GPR153: variants seen among roughly 807,000 people sequenced by gnomAD.
GPR153 encodes probable G protein-coupled receptor 153.
A neutral mutation model predicts 34.1 loss-of-function variants in GPR153; 27 were observed. That is an observed-to-expected ratio of 0.79 (90% CI 0.58 to 1.09). The LOEUF is 1.09. GPR153 is among the 50% of genes least tolerant of loss of function. The pLI, the probability that GPR153 is intolerant of heterozygous loss-of-function variation, is 0.00. For missense variants in GPR153, 848 were observed against 860.2 expected, an observed-to-expected ratio of 0.99 and a Z score of 0.18; for synonymous variants, 408 against 405.4, an observed-to-expected ratio of 1.01 and a Z score of -0.08.
rs543093185 is a variant in GPR153 at position 6,249,129 on chromosome 1, G to A, written c.*209C>T. ...CGACCTCACTCGGCCCGGGACATGCGGTGCCCAGCGCAGTCGTCCGGGGCA... is the reference window on the plus strand; with the variant it reads ...CGACCTCACTCGGCCCGGGACATGCAGTGCCCAGCGCAGTCGTCCGGGGCA... On this transcript the variant is annotated 3_prime_UTR_variant, in exon 6 of 6. Transcript: ENST00000377893. This position sits in a 1 kb window ranked among gnomAD's most constrained non-coding sequence, Gnocchi z 4.3. 77 of 390,596 alleles carry A rather than the reference G, an allele frequency of 2.0e-4. 4 individuals are homozygous for A. In the South Asian group the frequency reaches 1.0e-2, roughly 51 times the overall value. 24.2% of individuals were successfully genotyped at this position (390,596 alleles called of 1,614,324 possible).
intron 1 of GPR153, among the ~76,000 whole-genome samples, 177 bp downstream of exon 1, chr1:6,260,648 A>G (rs61760841): frequency 0.73 from 110,195 of 151,514 alleles, 40,320 homozygotes; most frequent in African/African-American, 0.79. Flanking sequence ...GGCTGGCCCC[A>G]GGGAAGTTAC....
chr1:6,252,035 C>A (rs891149260), intron 3 of GPR153, among the ~76,000 whole-genome samples: 1 of 152,190 alleles, frequency 6.6e-6, no homozygotes, highest in Non-Finnish European at 1.5e-5. Flanking sequence ...TTCTACCACC[C>A]CCTTCCCGGC....
chr1:6,249,644 G>C lies in GPR153; in HGVS notation c.1524C>G (p.Phe508Leu). The change falls in exon 6 of 6, where the codon TTC becomes TTG. Residue 508 changes from phenylalanine to leucine, a missense_variant. Physicochemically the swap from Phe to Leu is conservative, Grantham distance 22. Coordinates refer to ENST00000377893, the MANE Select transcript of GPR153 (RefSeq NM_207370.4). The surrounding 1 kb of genome is among the most constrained non-coding windows in gnomAD (Gnocchi z 4.3). ...GGCGCAGGGCCTGTGGCTCGCACTC[G>C]AAGGCGGTCAGGGCGAAGGCGTCGG... Reference protein sequence around the residue: ...LLPDAFALTAFECEPQALRRP... With the variant: ...LLPDAFALTALECEPQALRRP... The C allele has an allele frequency of 1.8e-6, 2 of 1,094,802 alleles. No individual in the cohort carries two copies. The highest frequency in any genetic ancestry group is 2.2e-6 in the Non-Finnish European group (2 of 901,672). The allele number at this position is 1,094,802 out of a possible 1,614,324, so 67.8% of individuals were successfully genotyped here.
chr1:6,253,120 A>C (rs975482404), intron 3 of GPR153, among the ~76,000 whole-genome samples: 5 of 152,214 alleles, frequency 3.3e-5, no homozygotes, highest in African/African-American at 9.6e-5. Flanking sequence ...GGCCAGATGC[A>C]GTGGTTCACG....
intron 1 of GPR153, among the ~76,000 whole-genome samples, chr1:6,257,715 G>C (rs1359308471): frequency 6.6e-6 from 1 of 152,254 alleles, no homozygotes; most frequent in African/African-American, 2.4e-5. Flanking sequence ...GCCTTTCCAT[G>C]TGAGTCAGGG....
In GPR153 at chr1:6,249,553, T is replaced by A. The variant is rs1256784873; in HGVS notation, c.1615A>T (p.Thr539Ser). ...CTCCGCTGGGCGCTGCTTGGGGGCG[T>A]CGGGGCCTCTCCGGGATCTGCGCCG... ...PDGADPGEAP[T>S]PPSSAQRSPG... The change falls in exon 6 of 6, where the codon ACG becomes TCG. Residue 539 changes from threonine (T) to serine (S), a missense_variant. Thr to Ser is a moderately conservative substitution (Grantham distance 58). Coordinates refer to ENST00000377893, the MANE Select transcript of GPR153 (RefSeq NM_207370.4). This position sits in a 1 kb window ranked among gnomAD's most constrained non-coding sequence, Gnocchi z 4.3. 2.5e-6 allele frequency: 3 copies of A among 1,191,454 alleles called. No individual in the cohort carries two copies. The Admixed American group carries it at 1.4e-4, about 54-fold the overall frequency. The allele number at this position is 1,191,454 out of a possible 1,614,324, so 73.8% of individuals were successfully genotyped here. A position where few individuals can be genotyped will look rare whatever the true frequency, so the allele number is the denominator to read the frequency against.
rs1231699904 is a variant in GPR153, at chr1:6,250,500, C to A, written c.1104G>T (p.Gly368=). The change falls in exon 5 of 6, where the codon GGG becomes GGT. Residue 368 remains glycine, a synonymous_variant. Transcript: ENST00000377893. ...GCAGTGGGTAGAGCTGGGGCAGGCC[C>A]CCCTCCAGGGCGGAGATCTCATACT... ...MAKYEISALE[G]GLPQLYPLRP... The A allele has an allele frequency of 1.2e-6, 2 of 1,610,462 alleles. No homozygotes were observed. Among genetic ancestry groups the A allele is most frequent in the South Asian group, 2.2e-5 (2 of 90,044 alleles).
chr1:6,254,746 T>C lies in GPR153; in HGVS notation c.160A>G (p.Met54Val), dbSNP rs997471579. 15 of 1,613,684 alleles carry C rather than the reference T, an allele frequency of 9.3e-6. No homozygotes were observed. The highest frequency in any genetic ancestry group is 1.3e-5 in the African/African-American group (1 of 74,896). ...GCGATGGGCACGGCCACATTTAGCA[T>C]GTGGGTGGCCGCGAGTGTACACAGC... ...FLLCTLAATH[M>V]LNVAVPIATY... is the part of the protein sequence containing the mutation. The change falls in exon 2 of 6, where the codon ATG (methionine) becomes GTG (valine). Residue 54 changes from methionine (M) to valine (V), a missense_variant. By Grantham distance (21) the Met-to-Val change is conservative (BLOSUM62 1). Transcript: ENST00000377893.
chr1:6,254,172 A>T, intron 2 of GPR153, 25 bp from the exon 3 acceptor site: 1 of 1,587,218 alleles, frequency 6.3e-7, no homozygotes, highest in Non-Finnish European at 8.6e-7. Context: ...GGTGGAACAG[A>T]GGGATCTGGC....
chr1:6,249,268 G>C lies in GPR153; in HGVS notation c.*70C>G. On this transcript the variant is annotated 3_prime_UTR_variant, in exon 6 of 6. Transcript: ENST00000377893. The surrounding 1 kb of genome is among the most constrained non-coding windows in gnomAD (Gnocchi z 4.3). ...ATGTCTGCGCGCGGGGCGGAGGCGG[G>C]CGTCTTTGGTGCTGCGGCCCCGGAG... 8.9e-7 allele frequency: 1 copy of C among 1,118,360 alleles called. No individual in the cohort carries two copies. The highest frequency in any genetic ancestry group is 1.1e-6 in the Non-Finnish European group (1 of 883,274). 69.3% of individuals were successfully genotyped at this position (1,118,360 alleles called of 1,614,324 possible).
Position 6,251,474 on chromosome 1 carries a change from G to T in GPR153, c.843C>A (p.Cys281Ter). 6.2e-7 allele frequency: 1 copy of T among 1,612,828 alleles called. No individual in the cohort carries two copies. The highest frequency in any genetic ancestry group is 1.1e-5 in the South Asian group (1 of 91,062). Residue 281 changes from cysteine to a stop codon, truncating the protein, a stop_gained, in exon 4 of 6, where the codon TGC becomes TGA. Coordinates refer to ENST00000377893, the MANE Select transcript of GPR153 (RefSeq NM_207370.4). LOFTEE classifies it high-confidence loss of function. This position sits in a 1 kb window ranked among gnomAD's most constrained non-coding sequence, Gnocchi z 4.9. ...CCTGGGCCACGGAGCACCACAGCAC[G>T]CAGAGTGCCATCCAGGGCGCTGAGG... ...ADASAPWMAL[C>*]VLWCSVAQAL...
intron 1 of GPR153, among the ~76,000 whole-genome samples, chr1:6,257,919 T>C (rs971614365): frequency 7.2e-5 from 11 of 152,222 alleles, no homozygotes; most frequent in African/African-American, 2.2e-4. Context: ...TAACTGGCCC[T>C]TCTTACCCAG....
In GPR153 at chr1:6,251,340, T is replaced by C. The variant is rs773526154; in HGVS notation, c.977A>G (p.Asp326Gly). 6.2e-7 allele frequency: 1 copy of C among 1,601,610 alleles called. No homozygotes were observed. Among genetic ancestry groups the C allele is most frequent in the Non-Finnish European group, 8.5e-7 (1 of 1,172,340 alleles). ...ALMANDEESD[D>G]ETSLEGGISP... ...GGCCACTCTCAGGCCATCCTCACCA[T>C]CGTCTGACTCCTCGTCGTTGGCCAT... The change falls in exon 4 of 6, where the codon GAT becomes GGT. Residue 326 changes from aspartate to glycine, a missense_variant and splice_region_variant. Physicochemically the swap from Asp to Gly is moderately conservative, Grantham distance 94 (BLOSUM62 -1). Transcript: ENST00000377893. The surrounding 1 kb of genome is among the most constrained non-coding windows in gnomAD (Gnocchi z 4.9).
At position 6,251,151 on chromosome 1, in the gene GPR153, G is replaced by A. The variant is rs1408066991; in HGVS notation, c.979+187C>T. On this transcript the variant is annotated intron_variant, in intron 4 of 5. Transcript: ENST00000377893. The surrounding 1 kb of genome is among the most constrained non-coding windows in gnomAD (Gnocchi z 4.9). ...TGGGGCAGCCAAGCCAGATAGGAGAGTGCCCTGTGGGAACCTGGCTTAGGT... is the reference window on the plus strand; with the variant it reads ...TGGGGCAGCCAAGCCAGATAGGAGAATGCCCTGTGGGAACCTGGCTTAGGT... 6.6e-6 allele frequency among the ~76,000 whole-genome samples: 1 copy of A among 152,198 alleles called. No homozygotes were observed. Among genetic ancestry groups the A allele is most frequent in the Non-Finnish European group, 1.5e-5 (1 of 68,028 alleles).
intron 1 of GPR153, among the ~76,000 whole-genome samples, chr1:6,257,355 A>C (rs1638588690): frequency 6.6e-6 from 1 of 152,172 alleles, no homozygotes. Flanking sequence ...GGAGATGGTC[A>C]CCACCTTCCT....
chr1:6,254,495 C>T, intron 2 of GPR153, 55 bp downstream of exon 2: 1 of 1,442,372 alleles, frequency 6.9e-7, no homozygotes, highest in East Asian at 2.3e-5. Flanking sequence ...CCAGATATGT[C>T]TTTGTTTTCA....
In GPR153 at chr1:6,249,952, C is replaced by T; in HGVS notation, c.1216G>A (p.Val406Ile). 1 of 1,282,916 alleles carries T rather than the reference C, an allele frequency of 7.8e-7. No individual in the cohort carries two copies. The highest frequency in any genetic ancestry group is 9.9e-7 in the Non-Finnish European group (1 of 1,009,696). The allele number at this position is 1,282,916 out of a possible 1,614,324, so 79.5% of individuals were successfully genotyped here. A position where few individuals can be genotyped will look rare whatever the true frequency, so the allele number is the denominator to read the frequency against. Residue 406 changes from valine to isoleucine, a missense_variant, in exon 6 of 6, where the codon GTC becomes ATC. Physicochemically the swap from Val to Ile is conservative, Grantham distance 29. Coordinates refer to ENST00000377893, the MANE Select transcript of GPR153 (RefSeq NM_207370.4). The surrounding 1 kb of genome is among the most constrained non-coding windows in gnomAD (Gnocchi z 4.3). ...CGCGGCAGGAAGGCGGGCAGCGGGA[C>T]GGCGGCCCACACGTCCGCATCGTCG... ...SHDDADVWAA[V>I]PLPAFLPRWG...
intron 1 of GPR153, among the ~76,000 whole-genome samples, chr1:6,260,488 G>C (rs1638651985): frequency 1.3e-5 from 2 of 151,680 alleles, no homozygotes. Flanking sequence ...CGACAGGCTG[G>C]GAAACCTGGC....
At position 6,261,081 on chromosome 1, in the gene GPR153, C is replaced by G. The variant is rs1159586303; in HGVS notation, c.-366G>C. 6.7e-6 allele frequency: 1 copy of G among 149,182 alleles called. No homozygotes were observed. Among genetic ancestry groups the G allele is most frequent in the East Asian group, 1.9e-4 (1 of 5,148 alleles). The allele number at this position is 149,182 out of a possible 1,614,324, so 9.2% of individuals were successfully genotyped here. On this transcript the variant is annotated 5_prime_UTR_variant, in exon 1 of 6. Coordinates refer to ENST00000377893, the MANE Select transcript of GPR153 (RefSeq NM_207370.4). The stretch of plus-strand genomic sequence containing the variant: ...GCTTCGCTCAGCTCCCGCCGCTCCG[C>G]TGCTGCGCCGGGCGGCCGGGGGCGG...
Sources: gnomAD v4.1 joint callset for allele counts (sites outside exome capture counted in the v4.1 genomes callset) on GRCh38, gnomAD v4.1.1 for gene constraint, Gnocchi (gnomAD v3.1) non-coding constraint, MANE v1.5 for transcripts, NCBI Gene and HGNC (gene_info 2026-07-23, HGNC 2026-07-21) for gene names.